Variants in KSR2 observed in about 807,000 individuals in gnomAD.
KSR2 encodes kinase suppressor of ras 2.
A neutral mutation model predicts 107.8 loss-of-function variants in KSR2; 25 were observed. That is an observed-to-expected ratio of 0.23 (90% confidence interval 0.17 to 0.32). KSR2 has a LOEUF of 0.32. Ranked by LOEUF, KSR2 falls within the 10% of genes least tolerant of loss-of-function variation. The probability of loss-of-function intolerance (pLI) is 1.00; values close to 1 mark genes in which losing one functional copy is unlikely to be tolerated. For synonymous variants in KSR2, 480 were observed against 507.0 expected (o/e 0.95, Z 0.71); for missense variants, 887 against 1,268.9 (o/e 0.70, Z 4.57).
At chr12:117,511,740 G>T (rs117769339) in intron 14 of KSR2, among the ~76,000 whole-genome samples, 1 of 152,168 alleles carries the variant, frequency 6.6e-6, no homozygotes, top group African/African-American at 2.4e-5. Context: ...AAAATGATTC[G>T]CCCAAGTGAC....
At chr12:117,838,421 C>A (rs561248119) in intron 3 of KSR2, among the ~76,000 whole-genome samples, 1 of 152,332 alleles carries the variant, frequency 6.6e-6, no homozygotes, top group East Asian at 1.9e-4. Context: ...CCCACCTCAG[C>A]CTCCCAAAGT....
chr12:117,670,007 G>T (rs953941996), intron 4 of KSR2, among the ~76,000 whole-genome samples: 1 of 151,290 alleles, frequency 6.6e-6, no homozygotes, highest in Non-Finnish European at 1.5e-5. Context: ...TTTTTTTCTA[G>T]GCATCTTCCT....
At chr12:117,494,737 A>C (rs1872929414) in intron 14 of KSR2, among the ~76,000 whole-genome samples, 1 of 152,230 alleles carries the variant, frequency 6.6e-6, no homozygotes, top group East Asian at 1.9e-4. Context: ...TGTAAAGAGA[A>C]TGCAGAGACT....
intron 3 of KSR2, among the ~76,000 whole-genome samples, chr12:117,844,479 A>C (rs1892623984): frequency 7.6e-6 from 1 of 131,316 alleles, no homozygotes; most frequent in Non-Finnish European, 1.6e-5. Flanking sequence ...TCCTCTTCTG[A>C]GTATTTTTTT....
intron 1 of KSR2, among the ~76,000 whole-genome samples, chr12:117,958,377 G>C (rs1354669476): frequency 1.3e-5 from 2 of 152,272 alleles, no homozygotes; most frequent in East Asian, 3.9e-4. Context: ...AAAACCCATG[G>C]AAAGTCCTAA....
At chr12:117,693,967 C>G (rs1340854128) in intron 4 of KSR2, among the ~76,000 whole-genome samples, 4 of 152,166 alleles carry the variant, frequency 2.6e-5, no homozygotes, top group African/African-American at 9.7e-5. Flanking sequence ...CTTTGGTCTA[C>G]AACACTGATT....
chr12:117,617,724 C>T (rs1212736300), intron 5 of KSR2, among the ~76,000 whole-genome samples: 1 of 152,132 alleles, frequency 6.6e-6, no homozygotes, highest in Non-Finnish European at 1.5e-5. Context: ...AATGAGAGAA[C>T]ATTTTGAGGT....
chr12:117,473,586 T>G (rs1592905851), intron 17 of KSR2, among the ~76,000 whole-genome samples: 1 of 152,186 alleles, frequency 6.6e-6, no homozygotes, highest in Non-Finnish European at 1.5e-5. Flanking sequence ...TGGAGTCTGG[T>G]GAAGGAGGCA....
Position 117,476,358 on chromosome 12 carries a change from C to A in KSR2, c.2582+106G>T, listed in dbSNP as rs1297612834. 2.2e-6 allele frequency: 3 copies of A among 1,361,908 alleles called. No homozygotes were observed. In the African/African-American group the frequency reaches 4.5e-5, roughly 20 times the overall value. 84.4% of individuals were successfully genotyped at this position (1,361,908 alleles called of 1,614,324 possible). A position where few individuals can be genotyped will look rare whatever the true frequency, so the allele number is the denominator to read the frequency against. ...TCACCCAAAAATCCAGCCACTTTGG[C>A]CCTGTAGACAGGTACACCCTGGCCC... is the stretch of plus-strand genomic sequence containing the variant. On this transcript the variant is annotated intron_variant, in intron 17 of 19. Transcript: ENST00000339824.
intron 1 of KSR2, among the ~76,000 whole-genome samples, chr12:117,918,774 G>A (rs1895257594): frequency 6.9e-6 from 1 of 144,930 alleles, no homozygotes; most frequent in African/African-American, 2.6e-5. Flanking sequence ...GGCAACAAGG[G>A]CGAAACTCCG....
intron 3 of KSR2, among the ~76,000 whole-genome samples, chr12:117,845,054 G>A (rs887938127): frequency 1.4e-4 from 21 of 152,304 alleles, no homozygotes; most frequent in African/African-American, 5.1e-4. Context: ...GCTGAGGCAG[G>A]AGAATGGCAT....
chr12:117,884,818 A>T (rs1894124752), intron 1 of KSR2, among the ~76,000 whole-genome samples: 1 of 151,958 alleles, frequency 6.6e-6, no homozygotes, highest in Non-Finnish European at 1.5e-5. Flanking sequence ...GAGGCACTAG[A>T]ATTCACCAGC....
At position 117,556,682 on chromosome 12, in the gene KSR2, A is replaced by C. The variant is rs1195078935; in HGVS notation, c.1394-1389T>G. ...AGATTCCCAGGAATATCCACCGATCAAGGCCAGGGGAGACGGGGGTGGGCA... is the reference window on the plus strand; with the variant it reads ...AGATTCCCAGGAATATCCACCGATCCAGGCCAGGGGAGACGGGGGTGGGCA... On this transcript the variant is annotated intron_variant, in intron 8 of 19. Transcript: ENST00000339824. Among the ~76,000 whole-genome samples the C allele has an allele frequency of 2.6e-5, 4 of 152,148 alleles. No homozygotes were observed. In the East Asian group the frequency reaches 7.7e-4, roughly 29 times the overall value.
intron 5 of KSR2, among the ~76,000 whole-genome samples, chr12:117,663,090 G>A (rs188119703): frequency 2.2e-4 from 34 of 152,294 alleles, no homozygotes; most frequent in Non-Finnish European, 4.3e-4. Context: ...ACAAAGAGGC[G>A]TCCTTTGAGC....
chr12:117,493,832 G>A (rs1872876542), intron 14 of KSR2, among the ~76,000 whole-genome samples: 1 of 152,128 alleles, frequency 6.6e-6, no homozygotes, highest in Admixed American at 6.5e-5. Flanking sequence ...TCGTGATAGG[G>A]AATAAGTCTC....
intron 7 of KSR2, among the ~76,000 whole-genome samples, chr12:117,559,972 C>T (rs540099595): frequency 2.8e-4 from 42 of 152,230 alleles, no homozygotes; most frequent in African/African-American, 9.9e-4. Context: ...TTAAAATAGA[C>T]GTATACATTA....
At chr12:117,470,337 T>C (rs139950178) in intron 18 of KSR2, among the ~76,000 whole-genome samples, 3 of 152,100 alleles carry the variant, frequency 2.0e-5, no homozygotes, top group African/African-American at 7.2e-5. Context: ...CATGCATCTA[T>C]ACATCCACCC....
In KSR2 at chr12:117,530,968, A is replaced by T. The variant is rs1333156138; in HGVS notation, c.1775T>A (p.Ile592Asn). Residue 592 changes from isoleucine to asparagine, a missense_variant, in exon 12 of 20, where the codon ATC becomes AAC. Transcript: ENST00000339824. Reference sequence around the variant, plus strand: ...TGGATTCGAGGTCACCGGATGCAGGATGACCTGGGGCGCCCGGGTCGGCGT... The same window carrying T: ...TGGATTCGAGGTCACCGGATGCAGGTTGACCTGGGGCGCCCGGGTCGGCGT... ...PETPTRAPQVILHPVTSNPIL... is the reference protein window; with the variant it reads ...PETPTRAPQVNLHPVTSNPIL... 1 of 1,613,592 alleles carries T rather than the reference A, an allele frequency of 6.2e-7. No homozygotes were observed. Among genetic ancestry groups the T allele is most frequent in the African/African-American group, 1.3e-5 (1 of 74,934 alleles).
In KSR2 at chr12:117,761,272, T is replaced by G; in HGVS notation, c.725A>C (p.Glu242Ala). 6.6e-7 allele frequency: 1 copy of G among 1,526,490 alleles called. No homozygotes were observed. Among genetic ancestry groups the G allele is most frequent in the South Asian group, 1.3e-5 (1 of 76,300 alleles). 94.6% of individuals were successfully genotyped at this position (1,526,490 alleles called of 1,614,324 possible). The change falls in exon 4 of 20, where the codon GAG becomes GCG. Residue 242 changes from glutamate to alanine, a missense_variant. Transcript: ENST00000339824. ...YPGLCPPPPL[E>A]SGHRSLPPSP... is the part of the protein sequence containing the mutation. ...TGGGGGCAGGGAACGGTGGCCCGAC[T>G]CCAGTGGCGGGGGCGGGCACAAGCC...
Sources: allele counts gnomAD v4.1 joint callset (sites outside exome capture counted in the v4.1 genomes callset), GRCh38; gene constraint gnomAD v4.1.1; transcripts MANE v1.5; gene names NCBI Gene and HGNC (gene_info 2026-07-23, HGNC 2026-07-21).